GLMN: variants seen among roughly 807,000 people sequenced by gnomAD.
GLMN encodes the protein glomulin, FKBP associated protein.
A neutral mutation model predicts 87.8 loss-of-function variants in GLMN; 75 were observed. The ratio of observed to expected loss-of-function variants is 0.85; its 90% CI spans 0.71 to 1.04. GLMN has a LOEUF of 1.04. Ranked by LOEUF, GLMN falls within the 50% of genes least tolerant of loss-of-function variation. The pLI, the probability that GLMN is intolerant of heterozygous loss-of-function variation, is 0.00. For missense variants in GLMN, 588 were observed against 658.8 expected (o/e 0.89, Z 1.18); for synonymous variants, 206 against 221.6 (o/e 0.93, Z 0.63).
At chr1:92,369,123 GA>G in the GLMN span, among the ~76,000 whole-genome samples, 1 of 152,144 alleles carries the variant, frequency 6.6e-6, no homozygotes, top group African/African-American at 2.4e-5. Flanking sequence ...ACTTTCAACA[GA>G]AATCTTTTGT....
At chr1:92,277,224 C>T (rs1647394674) in intron 7 of GLMN, among the ~76,000 whole-genome samples, 1 of 152,188 alleles carries the variant, frequency 6.6e-6, no homozygotes, top group Admixed American at 6.5e-5. Context: ...TACTCAGGCT[C>T]CCATCATTGC....
At position 92,291,523 on chromosome 1, in the gene GLMN, A is replaced by G; in HGVS notation, c.180T>C (p.Asn60=). ...QNEKNKVIIK[N]MGWNLVGPVV... ...CAGGACCAACGAGATTCCAGCCCATATTCTTGATGATGACCTGTAAAAACA... is the reference window on the plus strand; with the variant it reads ...CAGGACCAACGAGATTCCAGCCCATGTTCTTGATGATGACCTGTAAAAACA... The change falls in exon 4 of 19, where the codon AAT becomes AAC. Residue 60 remains asparagine (N), a synonymous_variant. Coordinates refer to ENST00000370360, the MANE Select transcript of GLMN (RefSeq NM_053274.3). 6.2e-7 allele frequency: 1 copy of G among 1,613,698 alleles called. No individual in the cohort carries two copies. The highest frequency in any genetic ancestry group is 8.5e-7 in the Non-Finnish European group (1 of 1,179,626).
the GLMN span, among the ~76,000 whole-genome samples, chr1:92,348,805 T>C: frequency 6.6e-6 from 1 of 152,206 alleles, no homozygotes; most frequent in East Asian, 1.9e-4. Flanking sequence ...AATTATACTT[T>C]AATGTGTATT....
the GLMN span, among the ~76,000 whole-genome samples, chr1:92,366,303 T>C: frequency 1.3e-5 from 2 of 152,176 alleles, no homozygotes; most frequent in African/African-American, 4.8e-5. Flanking sequence ...ACCATGTCTC[T>C]TAAAAAAAGT....
intron 3 of GLMN, among the ~76,000 whole-genome samples, chr1:92,295,642 C>A (rs1389409286): frequency 6.6e-6 from 1 of 152,156 alleles, no homozygotes; most frequent in Non-Finnish European, 1.5e-5. Context: ...AAACCATACG[C>A]CATACAGCAC....
At chr1:92,297,919 A>G (rs1456308002) in intron 2 of GLMN, 42 bp downstream of exon 2, 2 of 938,930 alleles carry the variant, frequency 2.1e-6, no homozygotes, top group Admixed American at 1.7e-5. Context: ...TGCCCTTCCC[A>G]TATTTTGAAA....
chr1:92,356,939 G>A, the GLMN span, among the ~76,000 whole-genome samples: 21 of 151,866 alleles, frequency 1.4e-4, no homozygotes, highest in African/African-American at 3.9e-4. Flanking sequence ...GGCGGGGACC[G>A]CCTGTAATCT....
intron 7 of GLMN, among the ~76,000 whole-genome samples, chr1:92,278,924 C>T (rs889752326): frequency 2.0e-5 from 3 of 152,172 alleles, no homozygotes; most frequent in Non-Finnish European, 2.9e-5. Flanking sequence ...TGGTCACACC[C>T]CAGACATTGA....
In GLMN at chr1:92,268,153, A is replaced by G; in HGVS notation, c.978-18T>C. The G allele has an allele frequency of 8.0e-7, 1 of 1,255,422 alleles. No homozygotes were observed. Among genetic ancestry groups the G allele is most frequent in the South Asian group, 1.2e-5 (1 of 81,510 alleles). 77.8% of individuals were successfully genotyped at this position (1,255,422 alleles called of 1,614,324 possible). ...CTTCTGTTCTGAAAAATAATATTAA[A>G]ATTTATCATGAATTTGTAAACTATT... is the stretch of plus-strand genomic sequence containing the variant. On this transcript the variant is annotated intron_variant, in intron 9 of 18. Coordinates refer to ENST00000370360, the MANE Select transcript of GLMN (RefSeq NM_053274.3).
the GLMN span, among the ~76,000 whole-genome samples, chr1:92,342,064 C>T: frequency 6.6e-6 from 1 of 152,208 alleles, no homozygotes; most frequent in African/African-American, 2.4e-5. Flanking sequence ...GTGAACAAAA[C>T]ACACAAATCC....
intron 6 of GLMN, among the ~76,000 whole-genome samples, chr1:92,288,139 TGAACAGTA>T (rs1174200648): frequency 1.3e-5 from 2 of 152,152 alleles, no homozygotes; most frequent in East Asian, 3.9e-4. Flanking sequence ...ACAGCCATAT[TGAACAGTA>T]GATGTTTAGT....
chr1:92,309,365 C>G, the GLMN span, among the ~76,000 whole-genome samples: 1 of 150,450 alleles, frequency 6.6e-6, no homozygotes, highest in Non-Finnish European at 1.5e-5. Context: ...TTGCTTGAAC[C>G]TGGGAGGCGG....
intron 3 of GLMN, among the ~76,000 whole-genome samples, chr1:92,292,409 C>T (rs1047429596): frequency 6.6e-6 from 1 of 151,528 alleles, no homozygotes; most frequent in South Asian, 2.1e-4. Flanking sequence ...TAAATACATT[C>T]TTATTTATTT....
At chr1:92,267,505 C>A (rs1208304424) in intron 11 of GLMN, among the ~76,000 whole-genome samples, 1 of 152,010 alleles carries the variant, frequency 6.6e-6, no homozygotes, top group African/African-American at 2.4e-5. Context: ...AGATCGAGAC[C>A]ATCCTGGCTA....
rs1270622611 is a variant in GLMN, at chr1:92,267,958, T to G, written c.1053A>C (p.Leu351=). 4 of 1,558,742 alleles carry G rather than the reference T, an allele frequency of 2.6e-6. No homozygotes were observed. Among genetic ancestry groups the G allele is most frequent in the African/African-American group, 1.4e-5 (1 of 73,914 alleles). The change falls in exon 11 of 19, where the codon CTA becomes CTC. Residue 351 remains leucine (L), a synonymous_variant. Transcript: ENST00000370360. ...NSLLRIEDNS[L]LYQYLEIKSF... ...TCTTGATTTCTAAGTACTGGTAAAGTAGACTATTGTCTTCTATTCTCAATA... is the reference window on the plus strand; with the variant it reads ...TCTTGATTTCTAAGTACTGGTAAAGGAGACTATTGTCTTCTATTCTCAATA...
chr1:92,318,014 G>A, the GLMN span, among the ~76,000 whole-genome samples: 1 of 152,294 alleles, frequency 6.6e-6, no homozygotes, highest in African/African-American at 2.4e-5. Context: ...TCACTCCTGA[G>A]TCTGCTTTGT....
intron 16 of GLMN, among the ~76,000 whole-genome samples, chr1:92,257,428 CG>C (rs2100830192): frequency 6.6e-6 from 1 of 152,180 alleles, no homozygotes; most frequent in South Asian, 2.1e-4. Context: ...AAAAAGTGTC[CG>C]GATAGCCAGG....
chr1:92,358,911 A>G, the GLMN span, among the ~76,000 whole-genome samples: 2 of 152,246 alleles, frequency 1.3e-5, no homozygotes, highest in East Asian at 3.9e-4. Flanking sequence ...TTTAAAAAAA[A>G]CAAAACAGAA....
chr1:92,294,642 T>C (rs1409434436), intron 3 of GLMN, among the ~76,000 whole-genome samples: 1 of 152,156 alleles, frequency 6.6e-6, no homozygotes, highest in Non-Finnish European at 1.5e-5. Context: ...TCAATTTTGA[T>C]AGTGTCACCT....
Sources: allele counts gnomAD v4.1 joint callset (sites outside exome capture counted in the v4.1 genomes callset), GRCh38; gene constraint gnomAD v4.1.1; transcripts MANE v1.5; gene names NCBI Gene and HGNC (gene_info 2026-07-23, HGNC 2026-07-21).